Variants in CNKSR3 observed in about 807,000 individuals in gnomAD.
CNKSR3 encodes the protein connector enhancer of kinase suppressor of ras 3.
In CNKSR3, 36 loss-of-function variants were observed where a neutral mutation model predicts 67.7. That is an observed-to-expected ratio of 0.53 (90% CI 0.41 to 0.70). The LOEUF (loss-of-function observed/expected upper bound fraction) is 0.70. CNKSR3 is among the 30% of genes least tolerant of loss of function. The pLI, the probability that CNKSR3 is intolerant of heterozygous loss-of-function variation, is 0.00. For synonymous variants in CNKSR3, 281 were observed against 271.4 expected, an observed-to-expected ratio of 1.04 and a Z score of -0.35; for missense variants, 630 against 695.2, an observed-to-expected ratio of 0.91 and a Z score of 1.05.
chr6:154,473,402 A>AT (rs1371571260), intron 1 of CNKSR3, among the ~76,000 whole-genome samples: 2 of 152,106 alleles, frequency 1.3e-5, no homozygotes, highest in African/African-American at 2.4e-5. Context: ...GATTATCGCC[A>AT]TTTTTTTAGG....
chr6:154,510,352 G>T lies in CNKSR3; in HGVS notation c.-238C>A. On this transcript the variant is annotated 5_prime_UTR_variant, in exon 1 of 13. Transcript: ENST00000607772. ...TGCAGCTCCTCCTTCCCCCGCCGCC[G>T]CCGGGATCCCGGGCACAGCTGCTGC... is the stretch of plus-strand genomic sequence containing the variant. 4 of 541,836 alleles carry T rather than the reference G, an allele frequency of 7.4e-6. 1 individual carries two copies. The South Asian group carries it at 8.8e-5, about 12-fold the overall frequency. 33.6% of individuals were successfully genotyped at this position (541,836 alleles called of 1,614,324 possible). A position where few individuals can be genotyped will look rare whatever the true frequency, so the allele number is the denominator to read the frequency against.
Position 154,410,518 on chromosome 6 carries a change from C to T in CNKSR3, c.1280-86G>A, listed in dbSNP as rs1784889207. 3.8e-6 allele frequency: 3 copies of T among 786,280 alleles called. No homozygotes were observed. In the African/African-American group the frequency reaches 5.2e-5, roughly 14 times the overall value. 48.7% of individuals were successfully genotyped at this position (786,280 alleles called of 1,614,324 possible). A position where few individuals can be genotyped will look rare whatever the true frequency, so the allele number is the denominator to read the frequency against. The stretch of plus-strand genomic sequence containing the variant: ...TTCCCTTTATGTATAACTTAGACCT[C>T]ACAATACCACACCCACTTAGACAGA... On this transcript the variant is annotated intron_variant, in intron 11 of 12. Coordinates refer to ENST00000607772, the MANE Select transcript of CNKSR3 (RefSeq NM_173515.4).
chr6:154,406,280 G>A lies in CNKSR3; in HGVS notation c.*74C>T, dbSNP rs1784786078. The A allele has an allele frequency of 7.9e-6, 11 of 1,385,434 alleles. No homozygotes were observed. In the East Asian group the frequency reaches 2.0e-4, roughly 25 times the overall value. The allele number at this position is 1,385,434 out of a possible 1,614,324, so 85.8% of individuals were successfully genotyped here. A position where few individuals can be genotyped will look rare whatever the true frequency, so the allele number is the denominator to read the frequency against. On this transcript the variant is annotated 3_prime_UTR_variant, in exon 13 of 13. Transcript: ENST00000607772. ...CCCTACATAATACTGAGGCTGAAAC[G>A]AGAAGAGGCTGTCCACTGTAAAAGC...
At chr6:154,423,123 C>CA in intron 7 of CNKSR3, 140 bp from the exon 8 acceptor site, 2 of 628,420 alleles carry the variant, frequency 3.2e-6, no homozygotes, top group South Asian at 2.1e-5. Flanking sequence ...ACTTTATTCC[C>CA]CTGAGACTAC....
chr6:154,478,899 A>G (rs1385169592), intron 1 of CNKSR3, among the ~76,000 whole-genome samples: 2 of 152,236 alleles, frequency 1.3e-5, no homozygotes, highest in Admixed American at 6.5e-5. Flanking sequence ...GGCTTGCTAC[A>G]GATATCATGA....
chr6:154,431,887 C>G (rs1023169279), intron 5 of CNKSR3, among the ~76,000 whole-genome samples: 1 of 152,094 alleles, frequency 6.6e-6, no homozygotes, highest in Non-Finnish European at 1.5e-5. Flanking sequence ...AGATGTACAA[C>G]AGTTTGTTTA....
At chr6:154,464,080 C>G (rs990201429) in intron 1 of CNKSR3, among the ~76,000 whole-genome samples, 3 of 152,152 alleles carry the variant, frequency 2.0e-5, no homozygotes, top group African/African-American at 7.2e-5. Context: ...TAAGATCATA[C>G]GAGGCCAGAA....
rs1350723508 is a variant in CNKSR3 at position 154,397,298 on chromosome 6, A to T, written c.*9056T>A. 2 of 152,240 alleles carry T rather than the reference A, an allele frequency of 1.3e-5. No individual in the cohort carries two copies. Among genetic ancestry groups the T allele is most frequent in the East Asian group, 3.9e-4 (2 of 5,194 alleles). The allele number at this position is 152,240 out of a possible 1,614,324, so 9.4% of individuals were successfully genotyped here. On this transcript the variant is annotated 3_prime_UTR_variant, in exon 13 of 13. Transcript: ENST00000607772. ...TTTCTAGTAAAACATAGTACTCTAA[A>T]CACGGTTAGCTTACATGTTCTTCCA...
Position 154,487,367 on chromosome 6 carries a change from C to T in CNKSR3, c.52+22696G>A, listed in dbSNP as rs1341502073. On this transcript the variant is annotated intron_variant, in intron 1 of 12. Coordinates refer to ENST00000607772, the MANE Select transcript of CNKSR3 (RefSeq NM_173515.4). ...CTTCACTCACATTATCTCATTTAGCCCTGAAAACAAATCCTGAAAGTTTAG... is the reference window on the plus strand; with the variant it reads ...CTTCACTCACATTATCTCATTTAGCTCTGAAAACAAATCCTGAAAGTTTAG... Among the ~76,000 whole-genome samples, 3 of 152,040 alleles carry T rather than the reference C, an allele frequency of 2.0e-5. No individual in the cohort carries two copies. The East Asian group carries it at 5.8e-4, about 29-fold the overall frequency.
In CNKSR3 at chr6:154,395,733, G is replaced by C. The variant is rs1784654810; in HGVS notation, c.*10621C>G. The C allele has an allele frequency of 3.9e-5, 6 of 152,216 alleles. No homozygotes were observed. 9.4% of individuals were successfully genotyped at this position (152,216 alleles called of 1,614,324 possible). On this transcript the variant is annotated 3_prime_UTR_variant, in exon 13 of 13. Transcript: ENST00000607772. The stretch of plus-strand genomic sequence containing the variant: ...ACTATTTAGTCTACAGCCTATATAT[G>C]CATGTACGTTTTGTTTGTTTGAGAT...
chr6:154,456,695 G>T (rs1785965793), intron 1 of CNKSR3, among the ~76,000 whole-genome samples: 1 of 83,532 alleles, frequency 1.2e-5, no homozygotes, highest in East Asian at 4.2e-4. Context: ...TGACAAGAAT[G>T]AAACTCTGTC....
At chr6:154,504,867 G>T (rs1321093179) in intron 1 of CNKSR3, among the ~76,000 whole-genome samples, 3 of 151,572 alleles carry the variant, frequency 2.0e-5, no homozygotes, top group Non-Finnish European at 4.4e-5. Context: ...AAGTAAAGAA[G>T]TTTTATAATG....
chr6:154,426,346 T>TTTTATTTATTTATTTA (rs71558207), intron 7 of CNKSR3, among the ~76,000 whole-genome samples: 145 of 147,976 alleles, frequency 9.8e-4, no homozygotes, highest in Middle Eastern at 6.9e-3. Context: ...CATTGAACTC[T>TTTTATTTATTTATTTA]TTTATTTATT....
At position 154,388,922 on chromosome 6, in the gene CNKSR3, G is replaced by C. The variant is rs749943003; in HGVS notation, c.*17432C>G. On this transcript the variant is annotated 3_prime_UTR_variant, in exon 13 of 13. Coordinates refer to ENST00000607772, the MANE Select transcript of CNKSR3 (RefSeq NM_173515.4). ...CAGAGCCCATGCTATTCAGATCCTT[G>C]GCCCATTTGTAAAAATTGGGTTTTT... The C allele has an allele frequency of 6.8e-6, 1 of 146,884 alleles. No homozygotes were observed. Among genetic ancestry groups the C allele is most frequent in the Non-Finnish European group, 1.5e-5 (1 of 67,306 alleles). The allele number at this position is 146,884 out of a possible 1,614,324, so 9.1% of individuals were successfully genotyped here. A position where few individuals can be genotyped will look rare whatever the true frequency, so the allele number is the denominator to read the frequency against.
chr6:154,440,023 A>G (rs546527877), intron 4 of CNKSR3, among the ~76,000 whole-genome samples: 19 of 152,348 alleles, frequency 1.2e-4, no homozygotes, highest in Non-Finnish European at 2.4e-4. Context: ...TGGCTGTATG[A>G]CTAATGCATC....
intron 5 of CNKSR3, 47 bp downstream of exon 5, chr6:154,433,419 G>T: frequency 2.3e-6 from 3 of 1,325,406 alleles, no homozygotes; most frequent in South Asian, 1.2e-5. Context: ...GATTCCCACT[G>T]CCTTTGGAAA....
chr6:154,492,141 C>T (rs1187639794), intron 1 of CNKSR3, among the ~76,000 whole-genome samples: 1 of 152,114 alleles, frequency 6.6e-6, no homozygotes, highest in African/African-American at 2.4e-5. Context: ...CAGTATTTGC[C>T]CCAGTTGATC....
In CNKSR3 at chr6:154,411,090, A is replaced by G. The variant is rs1295752821; in HGVS notation, c.1123T>C (p.Leu375=). The G allele has an allele frequency of 1.2e-6, 2 of 1,614,086 alleles. No individual in the cohort carries two copies. The highest frequency in any genetic ancestry group is 2.2e-5 in the East Asian group (1 of 44,870). Residue 375 remains leucine (L), a synonymous_variant, in exon 11 of 13, where the codon TTG becomes CTG. Transcript: ENST00000607772. ...YGGSSKCKQP[L]PGPKGSESPN... ...GACTCTGAACCCTTAGGACCAGGCA[A>G]TGGTTGTTTGCACTTACTGGACCCT...
At chr6:154,456,870 ACT>A (rs1785971064) in intron 1 of CNKSR3, among the ~76,000 whole-genome samples, 1 of 152,038 alleles carries the variant, frequency 6.6e-6, no homozygotes, top group African/African-American at 2.4e-5. Flanking sequence ...TATGTAAGAT[ACT>A]CTCTACTGGA....
Sources: allele counts gnomAD v4.1 joint callset (sites outside exome capture counted in the v4.1 genomes callset), GRCh38; gene constraint gnomAD v4.1.1; transcripts MANE v1.5; gene names NCBI Gene and HGNC (gene_info 2026-07-23, HGNC 2026-07-21).